Variants in ADAM11 observed in about 807,000 individuals in gnomAD.
ADAM11 encodes disintegrin and metalloproteinase domain-containing protein 11.
A neutral mutation model predicts 119.1 loss-of-function variants in ADAM11; 49 were observed. The observed-to-expected ratio is 0.41, with a 90% CI of 0.33 to 0.52. The LOEUF is 0.52. ADAM11 is among the 20% of genes least tolerant of loss of function. ADAM11 has a pLI of 0.20. For missense variants in ADAM11, 777 were observed against 1,047.5 expected, an observed-to-expected ratio of 0.74 and a Z score of 3.56; for synonymous variants, 364 against 408.0, an observed-to-expected ratio of 0.89 and a Z score of 1.30.
At chr17:44,778,113 T>C (rs367837377) in intron 24 of ADAM11, 39 bp from the exon 25 acceptor site, 9 of 1,612,224 alleles carry the variant, frequency 5.6e-6, no homozygotes, top group Non-Finnish European at 7.6e-6. Flanking sequence ...CTGCTCTCTA[T>C]GCCTGTCCTT....
chr17:44,774,426 G>A (rs1157559510), intron 12 of ADAM11, 47 bp downstream of exon 12: 1 of 1,571,442 alleles, frequency 6.4e-7, no homozygotes, highest in East Asian at 2.4e-5. Context: ...AGGGAAAGGG[G>A]CTTCAGGGGC....
In ADAM11 at chr17:44,774,685, G is replaced by T. The variant is rs1262277829; in HGVS notation, c.1169-13G>T. 3.1e-6 allele frequency: 5 copies of T among 1,591,966 alleles called. No individual in the cohort carries two copies. Among genetic ancestry groups the T allele is most frequent in the African/African-American group, 2.7e-5 (2 of 74,168 alleles). On this transcript the variant is annotated splice_polypyrimidine_tract_variant and intron_variant, in intron 13 of 26. Coordinates refer to ENST00000200557, the MANE Select transcript of ADAM11 (RefSeq NM_002390.6). ...CCTTGGCCTCCCTCATATCCGCCTG[G>T]CTCACCCCTCAGGGGACTGCAAGTG...
chr17:44,764,707 G>GAAC (rs893831173), intron 2 of ADAM11, among the ~76,000 whole-genome samples: 2 of 152,130 alleles, frequency 1.3e-5, no homozygotes, highest in African/African-American at 4.8e-5. Flanking sequence ...GCAGCCCCCT[G>GAAC]AACACCACCT....
In ADAM11 at chr17:44,780,164, G is replaced by C. The variant is rs1427745103; in HGVS notation, c.*410G>C. 1 of 551,898 alleles carries C rather than the reference G, an allele frequency of 1.8e-6. No individual in the cohort carries two copies. The highest frequency in any genetic ancestry group is 3.5e-6 in the Non-Finnish European group (1 of 289,678). The allele number at this position is 551,898 out of a possible 1,614,324, so 34.2% of individuals were successfully genotyped here. A position where few individuals can be genotyped will look rare whatever the true frequency, so the allele number is the denominator to read the frequency against. On this transcript the variant is annotated 3_prime_UTR_variant, in exon 27 of 27. Transcript: ENST00000200557. ...CAGGGTCTTACCTCTCTGGGACCTAGGGGGACGGGGCTGACATCTACATTT... is the reference window on the plus strand; with the variant it reads ...CAGGGTCTTACCTCTCTGGGACCTACGGGGACGGGGCTGACATCTACATTT...
chr17:44,761,691 G>A (rs2049391253), intron 2 of ADAM11, among the ~76,000 whole-genome samples: 1 of 152,064 alleles, frequency 6.6e-6, no homozygotes, highest in Non-Finnish European at 1.5e-5. Context: ...ACTTGTTTGG[G>A]GCCCTCTCTT....
At position 44,779,371 on chromosome 17, in the gene ADAM11, C is replaced by G. The variant is rs960456526; in HGVS notation, c.2294+132C>G. On this transcript the variant is annotated intron_variant, in intron 26 of 26. Coordinates refer to ENST00000200557, the MANE Select transcript of ADAM11 (RefSeq NM_002390.6). ...GCGGGGGCTGATTCCCCCACCCCTG[C>G]TGCCAGGCTGTCCCGGCAGGGGTGG... 4 of 1,460,966 alleles carry G rather than the reference C, an allele frequency of 2.7e-6. No individual in the cohort carries two copies. In the East Asian group the frequency reaches 8.1e-5, roughly 29 times the overall value. The allele number at this position is 1,460,966 out of a possible 1,614,324, so 90.5% of individuals were successfully genotyped here.
In ADAM11 at chr17:44,775,198, C is replaced by T; in HGVS notation, c.1221-14C>T. On this transcript the variant is annotated splice_polypyrimidine_tract_variant and intron_variant, in intron 14 of 26. Coordinates refer to ENST00000200557, the MANE Select transcript of ADAM11 (RefSeq NM_002390.6). This position sits in a 1 kb window ranked among gnomAD's most constrained non-coding sequence, Gnocchi z 7.5. Reference sequence around the variant, plus strand: ...AGGGGAGCAGCCAGCAGCACCTCCCCTCGCCCTATCCAGGTTCTACCTGCC... The same window carrying T: ...AGGGGAGCAGCCAGCAGCACCTCCCTTCGCCCTATCCAGGTTCTACCTGCC... The T allele has an allele frequency of 1.2e-6, 2 of 1,607,818 alleles. No individual in the cohort carries two copies. Among genetic ancestry groups the T allele is most frequent in the South Asian group, 1.1e-5 (1 of 90,922 alleles).
chr17:44,777,200 T>C lies in ADAM11; in HGVS notation c.1716T>C (p.Asn572=), dbSNP rs377581567. The C allele has an allele frequency of 1.2e-6, 2 of 1,609,108 alleles. No homozygotes were observed. Among genetic ancestry groups the C allele is most frequent in the South Asian group, 2.2e-5 (2 of 90,870 alleles). Residue 572 remains asparagine (N), a synonymous_variant, in exon 21 of 27, where the codon AAT becomes AAC. Coordinates refer to ENST00000200557, the MANE Select transcript of ADAM11 (RefSeq NM_002390.6). This position sits in a 1 kb window ranked among gnomAD's most constrained non-coding sequence, Gnocchi z 5.1. ...AADRFCYEKL[N]VEGTERGSCG... The stretch of plus-strand genomic sequence containing the variant: ...ATCGCTTCTGCTACGAGAAGCTGAA[T>C]GTGGAGGGGACGGAGCGTGGGAGCT...
chr17:44,770,047 C>T lies in ADAM11; in HGVS notation c.380C>T (p.Thr127Ile). 1 of 1,614,008 alleles carries T rather than the reference C, an allele frequency of 6.2e-7. No homozygotes were observed. Residue 127 changes from threonine to isoleucine, a missense_variant and splice_region_variant, in exon 4 of 27, where the codon ACC (threonine) becomes ATC (isoleucine). Physicochemically the swap from Thr to Ile is moderately conservative, Grantham distance 89. Transcript: ENST00000200557. Reference sequence around the variant, plus strand: ...CGGGAGGGGACAACCCAGCACAGCACCGTGAGTGCCACTGCAGGGGACCGG... The same window carrying T: ...CGGGAGGGGACAACCCAGCACAGCATCGTGAGTGCCACTGCAGGGGACCGG... Reference protein sequence around the residue: ...FSREGTTQHSTGAGDHCYYQG... With the variant: ...FSREGTTQHSIGAGDHCYYQG...
chr17:44,767,673 G>C (rs113234755), intron 2 of ADAM11, among the ~76,000 whole-genome samples: 2 of 152,130 alleles, frequency 1.3e-5, no homozygotes, highest in Non-Finnish European at 2.9e-5. Flanking sequence ...CAGCTGCCCC[G>C]GCACTGCCCC....
rs2049690253 is a variant in ADAM11 at position 44,781,259 on chromosome 17, C to T, written c.*1505C>T. 1 of 152,206 alleles carries T rather than the reference C, an allele frequency of 6.6e-6. No homozygotes were observed. The highest frequency in any genetic ancestry group is 2.1e-4 in the South Asian group (1 of 4,834). 9.4% of individuals were successfully genotyped at this position (152,206 alleles called of 1,614,324 possible). ...CATCGCCCCCTGTTTATTCACAACA[C>T]CCTCAGGGGCAAACAGGCCTGGGAC... is the stretch of plus-strand genomic sequence containing the variant. On this transcript the variant is annotated 3_prime_UTR_variant, in exon 27 of 27. Coordinates refer to ENST00000200557, the MANE Select transcript of ADAM11 (RefSeq NM_002390.6).
chr17:44,769,659 C>G, intron 2 of ADAM11, 59 bp from the exon 3 acceptor site: 1 of 1,240,042 alleles, frequency 8.1e-7, no homozygotes, highest in South Asian at 1.2e-5. Context: ...CGGGATCCCC[C>G]CGACTCCCAC....
At chr17:44,760,029 C>A in intron 2 of ADAM11, 132 bp downstream of exon 2, 1 of 954,878 alleles carries the variant, frequency 1.0e-6, no homozygotes, top group Non-Finnish European at 1.4e-6. Flanking sequence ...AGTGGGCTAT[C>A]CGGTGGGTGC....
chr17:44,769,661 G>A (rs923660819), intron 2 of ADAM11, 57 bp from the exon 3 acceptor site: 40 of 1,199,844 alleles, frequency 3.3e-5, no homozygotes, highest in African/African-American at 2.1e-4. Context: ...GGATCCCCCC[G>A]ACTCCCACCT....
chr17:44,767,991 C>T (rs1442541731), intron 2 of ADAM11, among the ~76,000 whole-genome samples: 1 of 152,190 alleles, frequency 6.6e-6, no homozygotes, highest in East Asian at 1.9e-4. Flanking sequence ...CTCCTGGCCT[C>T]GCATCTGGGC....
chr17:44,769,879 G>A, intron 3 of ADAM11, 85 bp downstream of exon 3: 1 of 1,598,002 alleles, frequency 6.3e-7, no homozygotes, highest in Non-Finnish European at 8.6e-7. Flanking sequence ...GGGTCTGGGG[G>A]TTGGGCCTGG....
In ADAM11 at chr17:44,780,823, C is replaced by T. The variant is rs958715077; in HGVS notation, c.*1069C>T. On this transcript the variant is annotated 3_prime_UTR_variant, in exon 27 of 27. Transcript: ENST00000200557. ...GGATGATCCTAGGCTGCTAGAAGTC[C>T]TTAAGGCCCCATCTAGTCCATTCCA... 2.0e-5 allele frequency: 3 copies of T among 152,968 alleles called. No individual in the cohort carries two copies. In the Admixed American group the frequency reaches 2.0e-4, roughly 10 times the overall value. The allele number at this position is 152,968 out of a possible 1,614,324, so 9.5% of individuals were successfully genotyped here. A position where few individuals can be genotyped will look rare whatever the true frequency, so the allele number is the denominator to read the frequency against.
In ADAM11 at chr17:44,773,408, G is replaced by T; in HGVS notation, c.973G>T (p.Asp325Tyr). Residue 325 changes from aspartate to tyrosine, a missense_variant, in exon 11 of 27, where the codon GAT becomes TAT. Asp to Tyr is a radical substitution (Grantham distance 160, BLOSUM62 -3). Transcript: ENST00000200557. The surrounding 1 kb of genome is among the most constrained non-coding windows in gnomAD (Gnocchi z 4.6). ...YRREGLPEPS[D>Y]ATHLFSGRTF... ...ACGGGAGGGTCTGCCTGAGCCCAGT[G>T]ATGCCACCCACCTCTTCTCGTGAGT... The T allele has an allele frequency of 6.2e-7, 1 of 1,613,548 alleles. No individual in the cohort carries two copies. The highest frequency in any genetic ancestry group is 8.5e-7 in the Non-Finnish European group (1 of 1,179,826).
At chr17:44,759,339 C>A in intron 1 of ADAM11, 79 bp downstream of exon 1, 1 of 1,312,732 alleles carries the variant, frequency 7.6e-7, no homozygotes, top group Non-Finnish European at 9.7e-7. Context: ...CTGCAGCCAC[C>A]TTTTCCTGCA....
Sources: allele counts gnomAD v4.1 joint callset (sites outside exome capture counted in the v4.1 genomes callset), GRCh38; gene constraint gnomAD v4.1.1; non-coding constraint Gnocchi (gnomAD v3.1); transcripts MANE v1.5; gene names NCBI Gene and HGNC (gene_info 2026-07-23, HGNC 2026-07-21).